The following LARP4 variants were observed in gnomAD, a reference collection of about 807,000 sequenced individuals.
LARP4 encodes La ribonucleoprotein 4, also known as la-related protein 4.
Under a neutral mutation model 92.9 loss-of-function variants are expected in LARP4, and 29 were observed. That is an observed-to-expected ratio of 0.31 (90% CI 0.23 to 0.43). LARP4 has a LOEUF of 0.43. LARP4 is among the 20% of genes least tolerant of loss of function. LARP4 has a pLI of 1.00. For synonymous variants in LARP4, 279 were observed against 284.1 expected, an observed-to-expected ratio of 0.98 and a Z score of 0.18; for missense variants, 732 against 860.0, an observed-to-expected ratio of 0.85 and a Z score of 1.86.
intron 12 of LARP4, among the ~76,000 whole-genome samples, chr12:50,463,580 C>CT: frequency 6.6e-6 from 1 of 152,052 alleles, no homozygotes; most frequent in Non-Finnish European, 1.5e-5. Context: ...GAGTGAGACT[C>CT]TGTCTCAAAA....
chr12:50,450,656 G>T (rs1449046561), intron 8 of LARP4, among the ~76,000 whole-genome samples: 3 of 151,978 alleles, frequency 2.0e-5, no homozygotes, highest in Non-Finnish European at 4.4e-5. Context: ...GCACCACCAT[G>T]CCTGGCTAAT....
At position 50,472,845 on chromosome 12, in the gene LARP4, A is replaced by T. The variant is rs1957079433; in HGVS notation, c.1546-570A>T. Reference sequence around the variant, plus strand: ...TAACTTTTTTTTTTTTTTGGGACGGAGTCTCGCACTGTAGCCCAGGCTGGA... The same window carrying T: ...TAACTTTTTTTTTTTTTTGGGACGGTGTCTCGCACTGTAGCCCAGGCTGGA... On this transcript the variant is annotated intron_variant, in intron 13 of 15. Coordinates refer to ENST00000398473, the MANE Select transcript of LARP4 (RefSeq NM_052879.5). Among the ~76,000 whole-genome samples, 4 of 145,140 alleles carry T rather than the reference A, an allele frequency of 2.8e-5. No homozygotes were observed. The South Asian group carries it at 8.8e-4, about 32-fold the overall frequency.
intron 1 of LARP4, among the ~76,000 whole-genome samples, chr12:50,406,160 A>G (rs1797886441): frequency 6.6e-6 from 1 of 152,290 alleles, no homozygotes; most frequent in Admixed American, 6.5e-5. Flanking sequence ...ACGCTTTAAT[A>G]ACTCTTAAAT....
intron 4 of LARP4, among the ~76,000 whole-genome samples, chr12:50,433,738 C>T (rs903615439): frequency 6.6e-6 from 1 of 151,302 alleles, no homozygotes; most frequent in Non-Finnish European, 1.5e-5. Flanking sequence ...CTCCCGGGTT[C>T]AAGCGATTCT....
In LARP4 at chr12:50,453,626, C is replaced by A; in HGVS notation, c.971C>A (p.Pro324His). The change falls in exon 9 of 16, where the codon CCT becomes CAT. Residue 324 changes from proline to histidine, a missense_variant. Pro to His is a moderately conservative substitution (Grantham distance 77). Coordinates refer to ENST00000398473, the MANE Select transcript of LARP4 (RefSeq NM_052879.5). Reference sequence around the variant, plus strand: ...CAGTACTCGGTCTATAGTATTGTGCCTCAGTCTTGGTCTCCAAATCCTACA... The same window carrying A: ...CAGTACTCGGTCTATAGTATTGTGCATCAGTCTTGGTCTCCAAATCCTACA... ...HQQYSVYSIV[P>H]QSWSPNPTPY... 1 of 1,612,556 alleles carries A rather than the reference C, an allele frequency of 6.2e-7. No individual in the cohort carries two copies. Among genetic ancestry groups the A allele is most frequent in the Non-Finnish European group, 8.5e-7 (1 of 1,178,980 alleles).
Position 50,476,964 on chromosome 12 carries a change from TTAAAGA to T in LARP4, c.*1102_*1107del, listed in dbSNP as rs1957578939. ...TACAGTAATTTATTTGTCGTTAGTG[TTAAAGA>T]TTAAGCATAGTAACTGACTCTTAAG... On this transcript the variant is annotated 3_prime_UTR_variant, in exon 16 of 16. Transcript: ENST00000398473. 6.6e-6 allele frequency: 1 copy of T among 152,280 alleles called. No individual in the cohort carries two copies. The highest frequency in any genetic ancestry group is 1.5e-5 in the Non-Finnish European group (1 of 68,030). The allele number at this position is 152,280 out of a possible 1,614,324, so 9.4% of individuals were successfully genotyped here.
rs563452602 is a variant in LARP4 at position 50,432,680 on chromosome 12, T to G, written c.398+2110T>G. ...TTCAGTATTAGCCTGACCAACATGG[T>G]GAAACCCCATCTCTACTTAAATACA... On this transcript the variant is annotated intron_variant, in intron 4 of 15. Coordinates refer to ENST00000398473, the MANE Select transcript of LARP4 (RefSeq NM_052879.5). Among the ~76,000 whole-genome samples the G allele has an allele frequency of 7.9e-5, 12 of 152,022 alleles. No individual in the cohort carries two copies. In the South Asian group the frequency reaches 2.5e-3, roughly 32 times the overall value.
At chr12:50,429,139 C>G (rs1735577462) in intron 3 of LARP4, 49 bp downstream of exon 3, 1 of 1,371,604 alleles carries the variant, frequency 7.3e-7, no homozygotes, top group Non-Finnish European at 1.0e-6. Flanking sequence ...TACAGGACAC[C>G]CCCCACCCAT....
chr12:50,442,777 A>C (rs1304732426), intron 8 of LARP4, among the ~76,000 whole-genome samples: 2 of 152,222 alleles, frequency 1.3e-5, no homozygotes. Context: ...AGGGTAACCT[A>C]CCTAGTTTCA....
Position 50,428,820 on chromosome 12 carries a change from A to G in LARP4, c.167-115A>G, listed in dbSNP as rs866245547. The G allele has an allele frequency of 7.5e-5, 56 of 742,840 alleles. No individual in the cohort carries two copies. The South Asian group carries it at 1.2e-3, about 15-fold the overall frequency. 46.0% of individuals were successfully genotyped at this position (742,840 alleles called of 1,614,324 possible). A position where few individuals can be genotyped will look rare whatever the true frequency, so the allele number is the denominator to read the frequency against. ...CTCTTGCTTAAAACCATGCGGACAT[A>G]TTTCAAACTGGTAGAAATCCTTAAA... On this transcript the variant is annotated intron_variant, in intron 2 of 15. Transcript: ENST00000398473.
At chr12:50,434,121 A>G (rs1950076159) in intron 4 of LARP4, among the ~76,000 whole-genome samples, 1 of 152,184 alleles carries the variant, frequency 6.6e-6, no homozygotes, top group Admixed American at 6.5e-5. Flanking sequence ...GCTATGGGAA[A>G]AAAATTAAAT....
intron 6 of LARP4, 38 bp from the exon 7 acceptor site, chr12:50,440,401 T>C: frequency 7.0e-7 from 1 of 1,432,192 alleles, no homozygotes; most frequent in South Asian, 1.2e-5. Context: ...ATTATTGATG[T>C]ATTTTTTAGA....
chr12:50,416,723 G>A (rs1036270620), intron 1 of LARP4, among the ~76,000 whole-genome samples: 15 of 152,062 alleles, frequency 9.9e-5, no homozygotes, highest in African/African-American at 3.4e-4. Flanking sequence ...GGTGGTGCAC[G>A]CCTGTAATCC....
At chr12:50,445,147 C>A (rs1439599771) in intron 8 of LARP4, among the ~76,000 whole-genome samples, 2 of 152,186 alleles carry the variant, frequency 1.3e-5, no homozygotes, top group East Asian at 1.9e-4. Context: ...CAAGCGATCC[C>A]CCCACTAAGG....
rs961386113 is a variant in LARP4 at position 50,478,797 on chromosome 12, A to G, written c.*2933A>G. On this transcript the variant is annotated 3_prime_UTR_variant, in exon 16 of 16. Coordinates refer to ENST00000398473, the MANE Select transcript of LARP4 (RefSeq NM_052879.5). ...TAGGGCCTGTCTCTGAGTAATTTTA[A>G]TTTTGCCAAATACACTGACATTTAA... 6.6e-6 allele frequency: 1 copy of G among 152,104 alleles called. No homozygotes were observed. Among genetic ancestry groups the G allele is most frequent in the African/African-American group, 2.4e-5 (1 of 41,432 alleles). 9.4% of individuals were successfully genotyped at this position (152,104 alleles called of 1,614,324 possible).
intron 13 of LARP4, among the ~76,000 whole-genome samples, chr12:50,469,601 CAAAA>C (rs757844912): frequency 2.3e-4 from 15 of 65,564 alleles, no homozygotes; most frequent in South Asian, 1.8e-3. Flanking sequence ...GAGACTCTAT[CAAAA>C]AAAAAAAAAA....
chr12:50,457,616 C>T (rs1256858168), intron 10 of LARP4, among the ~76,000 whole-genome samples: 1 of 151,958 alleles, frequency 6.6e-6, no homozygotes, highest in Non-Finnish European at 1.5e-5. Context: ...GAGTTGGAGA[C>T]CAACCTAGGC....
intron 2 of LARP4, among the ~76,000 whole-genome samples, chr12:50,428,402 TTA>T (rs1430958163): frequency 1.3e-5 from 2 of 152,198 alleles, no homozygotes; most frequent in Non-Finnish European, 2.9e-5. Flanking sequence ...CATCCAGCAT[TTA>T]TAAATGTTTA....
Position 50,454,401 on chromosome 12 carries a change from C to G in LARP4, c.1105C>G (p.Pro369Ala), listed in dbSNP as rs768367207. 1.2e-6 allele frequency: 2 copies of G among 1,611,004 alleles called. No homozygotes were observed. Among genetic ancestry groups the G allele is most frequent in the South Asian group, 1.1e-5 (1 of 90,410 alleles). ...TNAAAMNMGR[P>A]FQKNRVKPQF... The stretch of plus-strand genomic sequence containing the variant: ...TGCTGCTGCTATGAATATGGGTCGA[C>G]CATTCCAAAAAAATCGGTAAGATAA... The change falls in exon 10 of 16, where the codon CCA (proline) becomes GCA (alanine). Residue 369 changes from proline (P) to alanine (A), a missense_variant. Around this residue, in one of 7 missense-constraint regions of LARP4, gnomAD observed 264 missense variants for 269.5 expected, o/e 0.98. Transcript: ENST00000398473.
Sources: allele counts gnomAD v4.1 joint callset (sites outside exome capture counted in the v4.1 genomes callset), GRCh38; gene constraint gnomAD v4.1.1; regional missense constraint gnomAD v4.1.1; transcripts MANE v1.5; gene names NCBI Gene and HGNC (gene_info 2026-07-23, HGNC 2026-07-21).